Variants in ABCC4 observed in about 807,000 individuals in gnomAD.
ABCC4 encodes ATP binding cassette subfamily C member 4 (PEL blood group).
ABCC4 carries 102 observed loss-of-function variants against 168.5 expected under a neutral mutation model. The observed-to-expected ratio is 0.61, with a 90% confidence interval of 0.52 to 0.71. The LOEUF is 0.71. Among genes scored for constraint, ABCC4 ranks in the 30% least tolerant of loss-of-function variants. The pLI, the probability that ABCC4 is intolerant of heterozygous loss-of-function variation, is 0.00. For synonymous variants in ABCC4, 617 were observed against 590.7 expected, an observed-to-expected ratio of 1.04 and a Z score of -0.65; for missense variants, 1,402 against 1,605.8, an observed-to-expected ratio of 0.87 and a Z score of 2.17.
At chr13:95,117,219 AGGGTTGTCCTAGGGATTAAACG>A (rs2035408587) in intron 19 of ABCC4, among the ~76,000 whole-genome samples, 1 of 149,698 alleles carries the variant, frequency 6.7e-6, no homozygotes. Context: ...CCTCCTCTAG[AGGGTTGTCCTAGGGATTAAACG>A]GGCTCATGCC....
intron 21 of ABCC4, 94 bp downstream of exon 21, chr13:95,083,046 A>T: frequency 7.2e-7 from 1 of 1,387,718 alleles, no homozygotes; most frequent in Non-Finnish European, 9.9e-7. Context: ...ATTCTGGAAG[A>T]CAGAGTCTGC....
chr13:95,301,370 G>T lies in ABCC4; in HGVS notation c.-56C>A. On this transcript the variant is annotated 5_prime_UTR_variant, in exon 1 of 31. Coordinates refer to ENST00000645237, the MANE Select transcript of ABCC4 (RefSeq NM_005845.5). ...TCGCGCTGATCAGGCGGCGGTGGCC[G>T]CGGGCTCCGCTCCTGGACCTCAAGC... 6.8e-7 allele frequency: 1 copy of T among 1,473,480 alleles called. No individual in the cohort carries two copies. 91.3% of individuals were successfully genotyped at this position (1,473,480 alleles called of 1,614,324 possible). A position where few individuals can be genotyped will look rare whatever the true frequency, so the allele number is the denominator to read the frequency against.
chr13:95,198,831 C>T (rs908670409), intron 8 of ABCC4, among the ~76,000 whole-genome samples: 4 of 152,128 alleles, frequency 2.6e-5, no homozygotes, highest in African/African-American at 9.7e-5. Context: ...AGCTGGAAAC[C>T]ATCATTCTCA....
chr13:95,205,672 T>C (rs1312824225), intron 8 of ABCC4, among the ~76,000 whole-genome samples: 1 of 152,234 alleles, frequency 6.6e-6, no homozygotes, highest in African/African-American at 2.4e-5. Flanking sequence ...TGAATGGGCA[T>C]GCCTGTTCTA....
At chr13:95,075,923 A>T (rs939480366) in intron 21 of ABCC4, among the ~76,000 whole-genome samples, 7 of 152,156 alleles carry the variant, frequency 4.6e-5, no homozygotes, top group African/African-American at 1.7e-4. Context: ...GTAGGATTTT[A>T]AAAAACAATT....
At chr13:95,207,471 A>G (rs184570720) in intron 7 of ABCC4, among the ~76,000 whole-genome samples, 43 of 152,350 alleles carry the variant, frequency 2.8e-4, no homozygotes, top group Admixed American at 2.5e-3. Context: ...ATTAATATAA[A>G]TTATAGTTTT....
At chr13:95,207,961 G>A (rs368069241) in intron 6 of ABCC4, 36 bp from the exon 7 acceptor site, 17 of 1,604,284 alleles carry the variant, frequency 1.1e-5, no homozygotes, top group East Asian at 6.7e-5. Flanking sequence ...GAGCCTGAGC[G>A]ATCACAGCCT....
At chr13:95,100,349 A>G (rs2034753319) in intron 20 of ABCC4, among the ~76,000 whole-genome samples, 1 of 152,200 alleles carries the variant, frequency 6.6e-6, no homozygotes, top group Non-Finnish European at 1.5e-5. Flanking sequence ...AAATTGGAAC[A>G]CTGGTTGCCA....
chr13:95,159,116 T>TATATATATATATATATAC, intron 19 of ABCC4, among the ~76,000 whole-genome samples: 1 of 130,616 alleles, frequency 7.7e-6, no homozygotes, highest in Non-Finnish European at 1.7e-5. Context: ...TATATATATA[T>TATATATATATATATATAC]ATATATATAT....
At chr13:95,274,126 A>T (rs2040913558) in intron 1 of ABCC4, among the ~76,000 whole-genome samples, 2 of 152,156 alleles carry the variant, frequency 1.3e-5, no homozygotes, top group Admixed American at 6.5e-5. Context: ...ACAGACTCAT[A>T]CAACTAACAA....
In ABCC4 at chr13:95,195,024, A is replaced by G. The variant is rs2038373059; in HGVS notation, c.1162-87T>C. On this transcript the variant is annotated intron_variant, in intron 8 of 30. Coordinates refer to ENST00000645237, the MANE Select transcript of ABCC4 (RefSeq NM_005845.5). ...TCACTGCTTCCATGGAATTTGTAAC[A>G]TAAAACTTTATACAGCCTACAGATC... is the stretch of plus-strand genomic sequence containing the variant. 3.8e-6 allele frequency: 4 copies of G among 1,053,724 alleles called. No individual in the cohort carries two copies. The Admixed American group carries it at 6.2e-5, about 16-fold the overall frequency. 65.3% of individuals were successfully genotyped at this position (1,053,724 alleles called of 1,614,324 possible).
intron 13 of ABCC4, among the ~76,000 whole-genome samples, chr13:95,176,658 G>A (rs1215253998): frequency 6.6e-6 from 1 of 152,132 alleles, no homozygotes; most frequent in Non-Finnish European, 1.5e-5. Flanking sequence ...GCCCAGCATG[G>A]GTGCTTATCT....
intron 29 of ABCC4, among the ~76,000 whole-genome samples, chr13:95,037,478 G>T (rs1289756739): frequency 6.6e-6 from 1 of 152,330 alleles, no homozygotes; most frequent in East Asian, 1.9e-4. Context: ...CTATCAAGAT[G>T]CTGACAGCCA....
chr13:95,117,957 T>A (rs542251810), intron 19 of ABCC4, among the ~76,000 whole-genome samples: 5 of 152,024 alleles, frequency 3.3e-5, no homozygotes, highest in Non-Finnish European at 5.9e-5. Context: ...GCTACATAAA[T>A]CATTAGTATG....
At chr13:95,250,292 C>G (rs1231991969) in intron 1 of ABCC4, among the ~76,000 whole-genome samples, 1 of 152,166 alleles carries the variant, frequency 6.6e-6, no homozygotes, top group Non-Finnish European at 1.5e-5. Context: ...TTAGTCTCTT[C>G]TCCCCCTTAT....
chr13:95,241,585 G>C (rs1315131241), intron 3 of ABCC4, among the ~76,000 whole-genome samples: 4 of 152,062 alleles, frequency 2.6e-5, no homozygotes, highest in Non-Finnish European at 5.9e-5. Context: ...CCCCATCACA[G>C]TCTCCATGGA....
Position 95,044,438 on chromosome 13 carries a change from C to G in ABCC4, c.3457G>C (p.Val1153Leu). The change falls in exon 28 of 31, where the codon GTA becomes CTA. Residue 1153 changes from valine (V) to leucine (L), a missense_variant and splice_region_variant. Val to Leu is a conservative substitution (Grantham distance 32). This residue lies in a region of ABCC4 where 1,007 missense variants were observed against 1,127.3 expected (regional missense o/e 0.89). Transcript: ENST00000645237. ...TCTTCAATGGTTTCTTTAAGTTGTA[C>G]CTGTAGATGTACAAAGAAGAATGAC... Reference protein sequence around the residue: ...DEELWNALQEVQLKETIEDLP... With the variant: ...DEELWNALQELQLKETIEDLP... The G allele has an allele frequency of 1.2e-6, 2 of 1,606,376 alleles. No individual in the cohort carries two copies. Among genetic ancestry groups the G allele is most frequent in the Non-Finnish European group, 1.7e-6 (2 of 1,176,460 alleles).
chr13:95,097,592 C>CTTTTTTTTTTTTTT (rs56169430), intron 20 of ABCC4, among the ~76,000 whole-genome samples: 2 of 82,118 alleles, frequency 2.4e-5, no homozygotes, highest in Non-Finnish European at 4.4e-5. Context: ...AATATACATT[C>CTTTTTTTTTTTTTT]TTTTTTTTTT....
At chr13:95,202,324 T>C (rs1239699090) in intron 8 of ABCC4, among the ~76,000 whole-genome samples, 1 of 152,196 alleles carries the variant, frequency 6.6e-6, no homozygotes. Context: ...ATTTTATCAA[T>C]CAATCTACCA....
Sources: gnomAD v4.1 joint callset for allele counts (sites outside exome capture counted in the v4.1 genomes callset) on GRCh38, gnomAD v4.1.1 for gene constraint, gnomAD v4.1.1 regional missense constraint, MANE v1.5 for transcripts, NCBI Gene and HGNC (gene_info 2026-07-23, HGNC 2026-07-21) for gene names.